CNTNAP2: variants seen among roughly 807,000 people sequenced by gnomAD.
The protein encoded by CNTNAP2 is contactin associated protein 2.
A neutral mutation model predicts 155.2 loss-of-function variants in CNTNAP2; 98 were observed. The observed-to-expected ratio is 0.63, with a 90% confidence interval of 0.54 to 0.75. The LOEUF is 0.75. CNTNAP2 is among the 30% of genes least tolerant of loss of function. CNTNAP2 has a pLI of 0.00. For synonymous variants in CNTNAP2, 651 were observed against 631.2 expected (o/e 1.03, Z -0.47); for missense variants, 1,727 against 1,688.1 (o/e 1.02, Z -0.40).
intron 1 of CNTNAP2, among the ~76,000 whole-genome samples, chr7:146,720,977 A>G (rs1410329585): frequency 3.8e-5 from 4 of 104,424 alleles, no homozygotes; most frequent in Non-Finnish European, 5.4e-5. Flanking sequence ...ATATATATAG[A>G]CTATATATAC....
chr7:147,752,201 A>G (rs1797147023), intron 13 of CNTNAP2, among the ~76,000 whole-genome samples: 1 of 152,346 alleles, frequency 6.6e-6, no homozygotes, highest in Non-Finnish European at 1.5e-5. Flanking sequence ...AACAGAAGGA[A>G]CATATTATTG....
intron 10 of CNTNAP2, among the ~76,000 whole-genome samples, chr7:147,401,836 T>C (rs945723566): frequency 1.8e-4 from 27 of 152,328 alleles, no homozygotes; most frequent in Admixed American, 2.0e-4. Context: ...GATTATAAGT[T>C]TCCTGAAGCC....
intron 13 of CNTNAP2, among the ~76,000 whole-genome samples, chr7:147,894,484 T>C (rs1799744417): frequency 6.6e-6 from 1 of 152,120 alleles, no homozygotes; most frequent in Admixed American, 6.5e-5. Flanking sequence ...GGAACAATAG[T>C]GAAAAGCGTG....
Position 146,301,631 on chromosome 7 carries a change from T to TAAC in CNTNAP2, c.97+184682_97+184684dup, listed in dbSNP as rs71175645. Among the ~76,000 whole-genome samples the TAAC allele has an allele frequency of 1.2e-3, 188 of 151,506 alleles. 1 individual carries two copies. In the Middle Eastern group the frequency reaches 0.014, roughly 11 times the overall value. On this transcript the variant is annotated intron_variant, in intron 1 of 23. Coordinates refer to ENST00000361727, the MANE Select transcript of CNTNAP2 (RefSeq NM_014141.6). ...ACAGAGTGAGACTCTGTCTCAACAA[T>TAAC]AACAACAACAACAACAACAACAACA...
chr7:147,481,677 C>T (rs990172657), intron 10 of CNTNAP2, among the ~76,000 whole-genome samples: 17 of 152,168 alleles, frequency 1.1e-4, no homozygotes, highest in African/African-American at 3.9e-4. Flanking sequence ...ATGGAGAAGG[C>T]AGGGCTGTCT....
At chr7:146,934,868 C>A (rs967231278) in intron 3 of CNTNAP2, among the ~76,000 whole-genome samples, 1 of 152,062 alleles carries the variant, frequency 6.6e-6, no homozygotes, top group Non-Finnish European at 1.5e-5. Flanking sequence ...TGCTGTGGAC[C>A]GAACAAATGC....
chr7:146,933,557 G>T (rs938110472), intron 3 of CNTNAP2, among the ~76,000 whole-genome samples: 7 of 150,198 alleles, frequency 4.7e-5, no homozygotes, highest in Non-Finnish European at 1.0e-4. Flanking sequence ...AACACCAAAA[G>T]CAATGGCAAC....
At chr7:146,888,447 T>C (rs17170289) in intron 3 of CNTNAP2, among the ~76,000 whole-genome samples, 9 of 152,300 alleles carry the variant, frequency 5.9e-5, no homozygotes, top group African/African-American at 1.7e-4. Context: ...TCATTTCATA[T>C]GTAAGGTAAC....
intron 3 of CNTNAP2, among the ~76,000 whole-genome samples, chr7:146,905,190 C>T (rs1227893196): frequency 6.6e-6 from 1 of 151,716 alleles, no homozygotes; most frequent in Non-Finnish European, 1.5e-5. Flanking sequence ...ATCAAAAGTT[C>T]CCTGGAGTCG....
chr7:146,652,981 C>T (rs571276576), intron 1 of CNTNAP2, among the ~76,000 whole-genome samples: 1 of 152,234 alleles, frequency 6.6e-6, no homozygotes, highest in East Asian at 1.9e-4. Flanking sequence ...TTTTAGTCAG[C>T]AGGGCTTAGT....
intron 1 of CNTNAP2, among the ~76,000 whole-genome samples, chr7:146,683,300 TG>T (rs1412057321): frequency 7.2e-5 from 11 of 152,214 alleles, no homozygotes; most frequent in African/African-American, 2.7e-4. Context: ...CCCAAAGTGC[TG>T]GGATTACAGG....
chr7:147,333,218 AACAGAAGGCAT>A (rs1472642927), intron 9 of CNTNAP2, among the ~76,000 whole-genome samples: 1 of 152,170 alleles, frequency 6.6e-6, no homozygotes, highest in Non-Finnish European at 1.5e-5. Flanking sequence ...TTCCAGAGAA[AACAGAAGGCAT>A]AGTGATGACT....
intron 15 of CNTNAP2, among the ~76,000 whole-genome samples, chr7:148,004,450 T>C (rs73747313): frequency 2.1e-3 from 314 of 152,350 alleles, no homozygotes; most frequent in African/African-American, 7.4e-3. Flanking sequence ...TGAACACAGC[T>C]AATAATACAT....
chr7:147,911,248 G>A (rs967115704), intron 14 of CNTNAP2, among the ~76,000 whole-genome samples: 8 of 152,172 alleles, frequency 5.3e-5, no homozygotes, highest in Admixed American at 2.0e-4. Context: ...CAAGTGAATG[G>A]GGTCAGCTTT....
chr7:146,815,197 C>T (rs1803141666), intron 2 of CNTNAP2, among the ~76,000 whole-genome samples: 1 of 152,012 alleles, frequency 6.6e-6, no homozygotes, highest in Non-Finnish European at 1.5e-5. Flanking sequence ...AATAACAATA[C>T]CACATTGCTT....
chr7:146,932,253 TC>T (rs1796778976), intron 3 of CNTNAP2, among the ~76,000 whole-genome samples: 1 of 152,200 alleles, frequency 6.6e-6, no homozygotes, highest in South Asian at 2.1e-4. Flanking sequence ...CAAGTGGGCT[TC>T]ATCCCTGGGA....
intron 13 of CNTNAP2, among the ~76,000 whole-genome samples, chr7:147,643,917 A>G (rs1050746036): frequency 6.6e-6 from 1 of 152,100 alleles, no homozygotes; most frequent in Admixed American, 6.5e-5. Context: ...GTATCTTCCA[A>G]TTTTTACAAG....
intron 1 of CNTNAP2, among the ~76,000 whole-genome samples, chr7:146,720,433 G>C (rs114400595): frequency 0.034 from 5,197 of 152,162 alleles, 131 homozygotes; most frequent in East Asian, 0.12. Context: ...GTAGCTCACG[G>C]AGGGAAGTGC....
intron 11 of CNTNAP2, among the ~76,000 whole-genome samples, chr7:147,561,481 C>T (rs1237266905): frequency 5.9e-5 from 9 of 152,000 alleles, no homozygotes; most frequent in Admixed American, 5.9e-4. Flanking sequence ...GTCATGAGCA[C>T]TGGAATAAAA....
Sources: allele counts gnomAD v4.1 joint callset (sites outside exome capture counted in the v4.1 genomes callset), GRCh38; gene constraint gnomAD v4.1.1; transcripts MANE v1.5; gene names NCBI Gene and HGNC (gene_info 2026-07-23, HGNC 2026-07-21).